Variants in BRWD3 observed in about 807,000 individuals in gnomAD.
BRWD3 encodes the protein bromodomain and WD repeat domain containing 3, also known as bromodomain and WD repeat-containing protein 3.
Under a neutral mutation model 149.7 loss-of-function variants are expected in BRWD3, and 10 were observed. The observed-to-expected ratio is 0.07, with a 90% CI of 0.04 to 0.11. The LOEUF (loss-of-function observed/expected upper bound fraction) is 0.11. BRWD3 is among the 10% of genes least tolerant of loss of function. The pLI is 1.00. For missense variants in BRWD3, 940 were observed against 1,373.2 expected (o/e 0.68, Z 4.99); for synonymous variants, 504 against 456.7 (o/e 1.10, Z -1.32).
chrX:80,798,759 T>G (rs772780488), intron 4 of BRWD3, among the ~76,000 whole-genome samples: 1 of 111,764 alleles, frequency 8.9e-6, no homozygotes, highest in African/African-American at 3.2e-5. Context: ...TAGTGAGACC[T>G]CCATCTCTAC....
intron 8 of BRWD3, among the ~76,000 whole-genome samples, chrX:80,743,411 A>T (rs2073546700): frequency 8.9e-6 from 1 of 111,860 alleles, no homozygotes; most frequent in South Asian, 3.7e-4. Context: ...CTGGCCTCAT[A>T]AAATGAGTTA....
chrX:80,751,330 CAT>C (rs2073664599), intron 6 of BRWD3, among the ~76,000 whole-genome samples: 1 of 111,667 alleles, frequency 9.0e-6, no homozygotes, highest in Non-Finnish European at 1.9e-5. Flanking sequence ...GTAATGTATA[CAT>C]AGATCAAAAC....
chrX:80,773,694 T>C (rs2073970860), intron 6 of BRWD3, among the ~76,000 whole-genome samples: 3 of 112,017 alleles, frequency 2.7e-5, no homozygotes, highest in Admixed American at 1.9e-4. Flanking sequence ...CTCTATCCTA[T>C]GCAGGTATCT....
intron 20 of BRWD3, among the ~76,000 whole-genome samples, chrX:80,711,161 CT>C (rs1049696916): frequency 9.0e-6 from 1 of 111,643 alleles, no homozygotes; most frequent in Non-Finnish European, 1.9e-5. Context: ...ATCTAGAAAA[CT>C]TTTTTAAAGT....
At chrX:80,725,337 T>C (rs1220755883) in intron 14 of BRWD3, among the ~76,000 whole-genome samples, 2 of 111,782 alleles carry the variant, frequency 1.8e-5, no homozygotes, top group Non-Finnish European at 3.8e-5. Context: ...TAACCAGGCC[T>C]CTGAAGTGGA....
chrX:80,774,227 G>A (rs1191706203), intron 6 of BRWD3, among the ~76,000 whole-genome samples: 1 of 110,858 alleles, frequency 9.0e-6, no homozygotes, highest in African/African-American at 3.3e-5. Context: ...TTATTGAAAT[G>A]CTGATGGTTC....
Position 80,669,682 on chromosome X carries a change from A to T in BRWD3, c.*6927T>A, listed in dbSNP as rs1198831135. ...CTTGACTTAAATTACTTAACAGACT[A>T]TACAAAATTGCCAATACAAATTAAC... On this transcript the variant is annotated 3_prime_UTR_variant, in exon 41 of 41. Transcript: ENST00000373275. Among the ~76,000 whole-genome samples, 1 of 111,662 alleles carries T rather than the reference A, an allele frequency of 9.0e-6. No homozygotes were observed. Among genetic ancestry groups the T allele is most frequent in the African/African-American group, 3.3e-5 (1 of 30,748 alleles).
chrX:80,783,081 G>A (rs962104078), intron 6 of BRWD3, among the ~76,000 whole-genome samples: 1 of 110,640 alleles, frequency 9.0e-6, no homozygotes, highest in African/African-American at 3.3e-5. Flanking sequence ...GATCATCAGA[G>A]AAATGCAAAT....
In BRWD3 at chrX:80,689,813, A is replaced by G. The variant is rs749361820; in HGVS notation, c.3762T>C (p.Tyr1254=). Residue 1254 remains tyrosine (Y), a synonymous_variant, in exon 33 of 41, where the codon TAT becomes TAC. Transcript: ENST00000373275. ...DQSCTDILDT[Y]NKIKAEERNS... ...TTCGTTCTTCTGCTTTAATTTTATT[A>G]TAAGTATCCAGTATATCAGTACAGC... 1.1e-5 allele frequency: 13 copies of G among 1,202,648 alleles called. No individual in the cohort carries two copies. The South Asian group carries it at 1.8e-4, about 16-fold the overall frequency.
At position 80,681,449 on chromosome X, in the gene BRWD3, C is replaced by G. The variant is rs768309390; in HGVS notation, c.4546G>C (p.Asp1516His). Residue 1516 changes from aspartate to histidine, a missense_variant, in exon 40 of 41, where the codon GAT becomes CAT. Physicochemically the swap from Asp to His is moderately conservative, Grantham distance 81. Transcript: ENST00000373275. The part of the protein sequence containing the change: ...LSLYLLDDEP[D>H]GPFSSSSFGG... ...AAGCTCGATGAAGAAAATGGCCCAT[C>G]TGGCTCATCATCAAGTAGATATAGT... The G allele has an allele frequency of 9.9e-6, 12 of 1,208,119 alleles. No individual in the cohort carries two copies. In the African/African-American group the frequency reaches 2.1e-4, roughly 21 times the overall value.
chrX:80,698,617 G>A (rs1460730173), intron 25 of BRWD3, among the ~76,000 whole-genome samples: 1 of 109,456 alleles, frequency 9.1e-6, no homozygotes, highest in East Asian at 2.9e-4. Context: ...GCTGAGGCAG[G>A]AGAATTTCTT....
chrX:80,750,877 C>T (rs1262677105), intron 6 of BRWD3, among the ~76,000 whole-genome samples: 1 of 108,999 alleles, frequency 9.2e-6, no homozygotes, highest in African/African-American at 3.4e-5. Flanking sequence ...CACACACACA[C>T]ACACACACAC....
At chrX:80,764,046 C>T (rs183533948) in intron 6 of BRWD3, among the ~76,000 whole-genome samples, 2 of 111,604 alleles carry the variant, frequency 1.8e-5, no homozygotes, top group African/African-American at 6.5e-5. Context: ...GAATAAAGGG[C>T]CAAAAAAATT....
chrX:80,807,881 TTGAA>T (rs2074364138), intron 4 of BRWD3, among the ~76,000 whole-genome samples: 1 of 111,813 alleles, frequency 8.9e-6, no homozygotes, highest in Non-Finnish European at 1.9e-5. Flanking sequence ...TAACTGATAA[TTGAA>T]TGAGCTTATA....
At chrX:80,709,206 T>C (rs191326872) in intron 21 of BRWD3, among the ~76,000 whole-genome samples, 17 of 111,452 alleles carry the variant, frequency 1.5e-4, no homozygotes, top group Non-Finnish European at 2.8e-4. Flanking sequence ...GCTGGCATAT[T>C]TGATACCCTC....
At chrX:80,788,646 GAAGA>G (rs973049964) in intron 6 of BRWD3, among the ~76,000 whole-genome samples, 1 of 111,905 alleles carries the variant, frequency 8.9e-6, no homozygotes, top group Admixed American at 9.5e-5. Flanking sequence ...CCAAAGAAAT[GAAGA>G]AAGATATTCA....
At chrX:80,770,597 T>G (rs893083515) in intron 6 of BRWD3, among the ~76,000 whole-genome samples, 41 of 111,541 alleles carry the variant, frequency 3.7e-4, no homozygotes, top group African/African-American at 1.3e-3. Flanking sequence ...TGATCGAACG[T>G]ATTTCAAAAC....
chrX:80,733,603 T>C, intron 11 of BRWD3, 107 bp from the exon 12 acceptor site: 2 of 607,780 alleles, frequency 3.3e-6, no homozygotes, highest in Non-Finnish European at 5.3e-6. Context: ...TAGTTTTTTT[T>C]TTTTTTAATT....
chrX:80,776,143 C>T (rs909217916), intron 6 of BRWD3, among the ~76,000 whole-genome samples: 1 of 111,859 alleles, frequency 8.9e-6, no homozygotes, highest in Non-Finnish European at 1.9e-5. Context: ...AAAAATTATA[C>T]ATAATATCCC....
Sources: gnomAD v4.1 joint callset for allele counts (sites outside exome capture counted in the v4.1 genomes callset) on GRCh38, gnomAD v4.1.1 for gene constraint, MANE v1.5 for transcripts, NCBI Gene and HGNC (gene_info 2026-07-23, HGNC 2026-07-21) for gene names.